The following TRPM3 variants were observed in gnomAD, a reference collection of about 807,000 sequenced individuals.
TRPM3 encodes the protein long transient receptor potential channel 3.
TRPM3 carries 77 observed loss-of-function variants against 181.2 expected under a neutral mutation model. That is an observed-to-expected ratio of 0.42 (90% CI 0.35 to 0.51). The LOEUF is 0.51. Ranked by LOEUF, TRPM3 falls within the 20% of genes least tolerant of loss-of-function variation. TRPM3 has a pLI of 0.01. For synonymous variants in TRPM3, 745 were observed against 796.4 expected (o/e 0.94, Z 1.09); for missense variants, 1,759 against 2,196.7 (o/e 0.80, Z 3.98).
intron 8 of TRPM3, among the ~76,000 whole-genome samples, chr9:70,698,733 TC>T (rs34929700): frequency 6.6e-6 from 1 of 152,010 alleles, no homozygotes; most frequent in African/African-American, 2.4e-5. Context: ...TTTAGCACCA[TC>T]CCCCCTTGGT....
chr9:70,963,804 C>T (rs1227761029), intron 1 of TRPM3, among the ~76,000 whole-genome samples: 1 of 152,022 alleles, frequency 6.6e-6, no homozygotes, highest in Non-Finnish European at 1.5e-5. Context: ...AAATGCATCT[C>T]CTGCATCAAC....
At position 70,640,645 on chromosome 9, in the gene TRPM3, G is replaced by A; in HGVS notation, c.1361C>T (p.Ala454Val). Residue 454 changes from alanine (A) to valine (V), a missense_variant, in exon 10 of 26, where the codon GCC becomes GTC. Physicochemically the swap from Ala to Val is moderately conservative, Grantham distance 64 (BLOSUM62 0). Coordinates refer to ENST00000677713, the MANE Select transcript of TRPM3 (RefSeq NM_001366145.2). ...TAAAGCTAAGCTCAGTTGGTCTGGG[G>A]CCGAGGCATTGGCTCCTGTGTGAGG... ...TALLKGANASAPDQLSLALAW... is the reference protein window; with the variant it reads ...TALLKGANASVPDQLSLALAW... 1 of 1,613,508 alleles carries A rather than the reference G, an allele frequency of 6.2e-7. No homozygotes were observed. The highest frequency in any genetic ancestry group is 8.5e-7 in the Non-Finnish European group (1 of 1,179,686).
chr9:70,601,025 C>T (rs1010608004), intron 20 of TRPM3, among the ~76,000 whole-genome samples: 1 of 152,142 alleles, frequency 6.6e-6, no homozygotes, highest in Non-Finnish European at 1.5e-5. Context: ...GTCTTAGAAC[C>T]CTGGGAGCCT....
rs749023405 is a variant in TRPM3 at position 70,618,915 on chromosome 9, G to C, written c.2310C>G (p.Thr770=). The C allele has an allele frequency of 6.2e-7, 1 of 1,611,898 alleles. No individual in the cohort carries two copies. Among genetic ancestry groups the C allele is most frequent in the South Asian group, 1.1e-5 (1 of 91,074 alleles). Reference sequence around the variant, plus strand: ...TGCGGAGCCGGCCCATCCACATGTCGGTGAGCAGCATCTGGCTGCACGTGT... The same window carrying C: ...TGCGGAGCCGGCCCATCCACATGTCCGTGAGCAGCATCTGGCTGCACGTGT... ...IAHTCSQMLL[T]DMWMGRLRMR... The change falls in exon 17 of 26, where the codon ACC becomes ACG. Residue 770 remains threonine, a synonymous_variant. Coordinates refer to ENST00000677713, the MANE Select transcript of TRPM3 (RefSeq NM_001366145.2).
chr9:70,898,083 C>T (rs2096308678), intron 1 of TRPM3, among the ~76,000 whole-genome samples: 1 of 151,902 alleles, frequency 6.6e-6, no homozygotes, highest in Non-Finnish European at 1.5e-5. Context: ...TTGCAGGCAC[C>T]TACATTCTCA....
intron 1 of TRPM3, among the ~76,000 whole-genome samples, chr9:71,313,755 T>C (rs568501849): frequency 6.6e-6 from 1 of 152,278 alleles, no homozygotes; most frequent in African/African-American, 2.4e-5. Flanking sequence ...ACCTGAAGGA[T>C]ATTTTATTTC....
chr9:71,307,996 G>GTTTTTT, intron 1 of TRPM3, among the ~76,000 whole-genome samples: 1 of 146,442 alleles, frequency 6.8e-6, no homozygotes. Context: ...TTGAGATGGA[G>GTTTTTT]TTTCACTCTT....
At chr9:71,137,651 A>T (rs2074849244) in intron 1 of TRPM3, among the ~76,000 whole-genome samples, 1 of 152,196 alleles carries the variant, frequency 6.6e-6, no homozygotes, top group South Asian at 2.1e-4. Flanking sequence ...TTGAACTTTA[A>T]CCCTCATCAG....
chr9:70,773,907 A>T (rs1424064879), intron 7 of TRPM3, among the ~76,000 whole-genome samples: 1 of 152,172 alleles, frequency 6.6e-6, no homozygotes, highest in East Asian at 1.9e-4. Context: ...ATTGCCTGGT[A>T]GTCTTATAGC....
At chr9:70,767,035 T>C (rs1192871356) in intron 7 of TRPM3, among the ~76,000 whole-genome samples, 1 of 152,146 alleles carries the variant, frequency 6.6e-6, no homozygotes, top group Non-Finnish European at 1.5e-5. Context: ...ATTCAGAGAG[T>C]CCTACGATGC....
intron 9 of TRPM3, among the ~76,000 whole-genome samples, chr9:70,666,969 TGA>T (rs1189048027): frequency 6.6e-6 from 1 of 152,102 alleles, no homozygotes; most frequent in Non-Finnish European, 1.5e-5. Context: ...TTAAAACAAT[TGA>T]GTGTTTTATA....
chr9:71,172,106 C>T (rs189215704), intron 1 of TRPM3, among the ~76,000 whole-genome samples: 3 of 152,098 alleles, frequency 2.0e-5, no homozygotes, highest in Admixed American at 6.5e-5. Flanking sequence ...CTTGCTCTGT[C>T]GCCCAGGCTG....
chr9:70,799,994 A>G (rs1306418883), intron 6 of TRPM3, among the ~76,000 whole-genome samples: 2 of 152,210 alleles, frequency 1.3e-5, no homozygotes, highest in East Asian at 3.8e-4. Flanking sequence ...AAACTCCAAT[A>G]CCACGAACTG....
chr9:70,831,228 A>G (rs1053582781), intron 5 of TRPM3, among the ~76,000 whole-genome samples: 2 of 152,196 alleles, frequency 1.3e-5, no homozygotes, highest in African/African-American at 2.4e-5. Flanking sequence ...TGTTTGAGTT[A>G]TAATTTACAT....
intron 1 of TRPM3, among the ~76,000 whole-genome samples, chr9:71,304,039 G>A (rs2087028295): frequency 6.6e-6 from 1 of 152,052 alleles, no homozygotes; most frequent in Non-Finnish European, 1.5e-5. Flanking sequence ...AAATTAATAT[G>A]TTAGTAACTC....
At chr9:71,354,571 A>G (rs1335674916) in intron 1 of TRPM3, among the ~76,000 whole-genome samples, 1 of 152,274 alleles carries the variant, frequency 6.6e-6, no homozygotes, top group African/African-American at 2.4e-5. Flanking sequence ...AATCAAATAC[A>G]CAGCTTGTCA....
intron 22 of TRPM3, among the ~76,000 whole-genome samples, chr9:70,557,656 C>T (rs189111921): frequency 1.4e-4 from 22 of 152,256 alleles, no homozygotes; most frequent in Non-Finnish European, 2.2e-4. Context: ...GAAATGCCCC[C>T]GGGACATGCA....
intron 22 of TRPM3, among the ~76,000 whole-genome samples, chr9:70,558,002 T>C (rs565819144): frequency 1.3e-5 from 2 of 152,240 alleles, no homozygotes; most frequent in South Asian, 4.1e-4. Flanking sequence ...ATGCCAAATC[T>C]AGGAGAAGGT....
intron 1 of TRPM3, among the ~76,000 whole-genome samples, chr9:71,266,780 C>T (rs1162936936): frequency 6.6e-6 from 1 of 152,116 alleles, no homozygotes; most frequent in Non-Finnish European, 1.5e-5. Flanking sequence ...TTCCCCCTCT[C>T]CTCAGTCCCT....
Sources: allele counts gnomAD v4.1 joint callset (sites outside exome capture counted in the v4.1 genomes callset), GRCh38; gene constraint gnomAD v4.1.1; transcripts MANE v1.5; gene names NCBI Gene and HGNC (gene_info 2026-07-23, HGNC 2026-07-21).